Variants in CAPN13 observed in about 807,000 individuals in gnomAD.
CAPN13 encodes calpain-13.
CAPN13 carries 90 observed loss-of-function variants against 98.4 expected under a neutral mutation model. That is an observed-to-expected ratio of 0.92 (90% CI 0.77 to 1.09). The LOEUF is 1.09. Among genes scored for constraint, CAPN13 ranks in the 50% least tolerant of loss-of-function variants. The pLI, the probability that CAPN13 is intolerant of heterozygous loss-of-function variation, is 0.00. For synonymous variants in CAPN13, 330 were observed against 305.5 expected (o/e 1.08, Z -0.84); for missense variants, 887 against 841.3 (o/e 1.05, Z -0.67).
intron 18 of CAPN13, among the ~76,000 whole-genome samples, chr2:30,735,955 G>A (rs759253029): frequency 3.3e-5 from 5 of 152,206 alleles, no homozygotes; most frequent in Admixed American, 6.5e-5. Context: ...CAGGTGTGAC[G>A]TTTACAGGAA....
intron 9 of CAPN13, 93 bp from the exon 10 acceptor site, chr2:30,753,291 CCA>C (rs1672273456): frequency 4.6e-6 from 6 of 1,300,096 alleles, no homozygotes; most frequent in Non-Finnish European, 6.5e-6. Context: ...ACTGTCCTGC[CCA>C]GAGGCCAGTG....
rs150605980 is a variant in CAPN13, at chr2:30,805,523, A to G, written c.-33+1779T>C. Among the ~76,000 whole-genome samples the G allele has an allele frequency of 2.5e-3, 380 of 152,290 alleles. 1 individual carries two copies. Among genetic ancestry groups the G allele is most frequent in the African/African-American group, 8.7e-3 (363 of 41,546 alleles). ...CAATAATGACTAAAATATCTTCAGC[A>G]CTTGCCATGTGCTCAAGTACTGCTA... On this transcript the variant is annotated intron_variant, in intron 1 of 22. Transcript: ENST00000295055.
chr2:30,729,533 A>G (rs1170723419), intron 22 of CAPN13: 1 of 152,244 alleles, frequency 6.6e-6, no homozygotes, highest in East Asian at 1.9e-4. Context: ...TTGATATTAG[A>G]AGTCATGCAG....
At chr2:30,741,702 C>A in intron 15 of CAPN13, 1 of 1,417,328 alleles carries the variant, frequency 7.1e-7, no homozygotes, top group Non-Finnish European at 9.2e-7. Flanking sequence ...TGAAGTCCCC[C>A]GGATGACACT....
At position 30,797,230 on chromosome 2, in the gene CAPN13, C is replaced by A. The variant is rs551462150; in HGVS notation, c.-32-9873G>T. ...CCAGAATAATCCTGCTGTAAGAGAG[C>A]AGATATTTAACCACCTCTGGCCCCA... On this transcript the variant is annotated intron_variant, in intron 1 of 22. Coordinates refer to ENST00000295055, the MANE Select transcript of CAPN13 (RefSeq NM_144575.3). Among the ~76,000 whole-genome samples, 4 of 152,278 alleles carry A rather than the reference C, an allele frequency of 2.6e-5. No individual in the cohort carries two copies. In the East Asian group the frequency reaches 7.7e-4, roughly 29 times the overall value.
chr2:30,729,282 G>A (rs1021633744), intron 22 of CAPN13, among the ~76,000 whole-genome samples: 6 of 152,178 alleles, frequency 3.9e-5, no homozygotes, highest in African/African-American at 1.4e-4. Flanking sequence ...CTAGGGAAGC[G>A]CTCCTGTGGC....
chr2:30,762,617 GC>G (rs1286274925), intron 7 of CAPN13, among the ~76,000 whole-genome samples: 2 of 152,200 alleles, frequency 1.3e-5, no homozygotes, highest in Non-Finnish European at 2.9e-5. Context: ...GGATGGCAGA[GC>G]CACCTACTAG....
intron 1 of CAPN13, among the ~76,000 whole-genome samples, chr2:30,799,920 A>G (rs1026500156): frequency 6.6e-6 from 1 of 151,878 alleles, no homozygotes; most frequent in African/African-American, 2.4e-5. Context: ...AAAAATACAA[A>G]AAAATTAGCC....
intron 5 of CAPN13, among the ~76,000 whole-genome samples, chr2:30,766,743 T>G (rs73922695): frequency 0.016 from 2,473 of 152,278 alleles, 63 homozygotes; most frequent in African/African-American, 0.057. Flanking sequence ...TGAAATGCTG[T>G]AGAGATCCCA....
intron 1 of CAPN13, among the ~76,000 whole-genome samples, chr2:30,796,148 A>G (rs1339129713): frequency 2.7e-5 from 4 of 147,786 alleles, no homozygotes; most frequent in Non-Finnish European, 6.0e-5. Flanking sequence ...ATGTGTGTAT[A>G]TATATATATA....
At chr2:30,794,333 T>C (rs1457908926) in intron 1 of CAPN13, among the ~76,000 whole-genome samples, 2 of 151,882 alleles carry the variant, frequency 1.3e-5, no homozygotes, top group East Asian at 3.8e-4. Flanking sequence ...AAATGCAAAT[T>C]CATACCATGG....
At chr2:30,791,523 T>A (rs1244131173) in intron 1 of CAPN13, among the ~76,000 whole-genome samples, 1 of 152,252 alleles carries the variant, frequency 6.6e-6, no homozygotes, top group Non-Finnish European at 1.5e-5. Flanking sequence ...CATCTGATAC[T>A]GAACAGTCTT....
chr2:30,805,946 T>C (rs983625525), intron 1 of CAPN13, among the ~76,000 whole-genome samples: 1 of 151,804 alleles, frequency 6.6e-6, no homozygotes, highest in Admixed American at 6.6e-5. Flanking sequence ...GACCCCCAAT[T>C]TTTAATTTAT....
At chr2:30,770,259 T>C in intron 5 of CAPN13, 54 bp downstream of exon 5, 1 of 1,592,338 alleles carries the variant, frequency 6.3e-7, no homozygotes, top group Non-Finnish European at 8.6e-7. Context: ...GCATTCCGGG[T>C]AGGCAGGACC....
rs1261805107 is a variant in CAPN13, at chr2:30,764,053, T to C, written c.699+79A>G. 4.3e-6 allele frequency: 6 copies of C among 1,409,340 alleles called. No homozygotes were observed. In the African/African-American group the frequency reaches 5.7e-5, roughly 13 times the overall value. The allele number at this position is 1,409,340 out of a possible 1,614,324, so 87.3% of individuals were successfully genotyped here. On this transcript the variant is annotated intron_variant, in intron 6 of 22. Coordinates refer to ENST00000295055, the MANE Select transcript of CAPN13 (RefSeq NM_144575.3). Reference sequence around the variant, plus strand: ...TGGTGGCAGCTTGCCACATCCTCCTTAGCTGAATGGACCCCTGGCTGAGCA... The same window carrying C: ...TGGTGGCAGCTTGCCACATCCTCCTCAGCTGAATGGACCCCTGGCTGAGCA...
Position 30,792,969 on chromosome 2 carries a change from A to G in CAPN13, c.-32-5612T>C, listed in dbSNP as rs868729496. On this transcript the variant is annotated intron_variant, in intron 1 of 22. Coordinates refer to ENST00000295055, the MANE Select transcript of CAPN13 (RefSeq NM_144575.3). ...GTAAAAAGCTACAAAGACATAATTT[A>G]TGATAAAAACTGTTAGAAAACTAGA... Among the ~76,000 whole-genome samples, 43 of 152,124 alleles carry G rather than the reference A, an allele frequency of 2.8e-4. No individual in the cohort carries two copies. The Middle Eastern group carries it at 0.02, about 72-fold the overall frequency.
chr2:30,723,471 C>CA (rs1670759073), intron 22 of CAPN13, among the ~76,000 whole-genome samples: 1 of 152,130 alleles, frequency 6.6e-6, no homozygotes, highest in Non-Finnish European at 1.5e-5. Context: ...GGCACCCCCC[C>CA]ACCTGTCCTG....
At chr2:30,799,967 G>A (rs1033498046) in intron 1 of CAPN13, among the ~76,000 whole-genome samples, 3 of 151,912 alleles carry the variant, frequency 2.0e-5, no homozygotes, top group East Asian at 1.9e-4. Flanking sequence ...CCAGCTACTC[G>A]GGAGACTGAG....
chr2:30,786,066 G>T (rs1043387388), intron 2 of CAPN13, among the ~76,000 whole-genome samples: 2 of 152,150 alleles, frequency 1.3e-5, no homozygotes, highest in Non-Finnish European at 2.9e-5. Context: ...GATGTCTTCA[G>T]TTCTCCTTCC....
Sources: gnomAD v4.1 joint callset for allele counts (sites outside exome capture counted in the v4.1 genomes callset) on GRCh38, gnomAD v4.1.1 for gene constraint, MANE v1.5 for transcripts, NCBI Gene and HGNC (gene_info 2026-07-23, HGNC 2026-07-21) for gene names.